Variants in DLG2 observed in about 807,000 individuals in gnomAD.
The protein encoded by DLG2 is disks large homolog 2.
Under a neutral mutation model 132.5 loss-of-function variants are expected in DLG2, and 45 were observed. The observed-to-expected ratio is 0.34, with a 90% CI of 0.27 to 0.44. The LOEUF (loss-of-function observed/expected upper bound fraction) is 0.44, where lower values mean the gene tolerates loss of function less well. DLG2 is among the 20% of genes least tolerant of loss of function. The probability of loss-of-function intolerance (pLI) is 1.00; values close to 1 mark genes in which losing one functional copy is unlikely to be tolerated. For synonymous variants in DLG2, 424 were observed against 419.6 expected (o/e 1.01, Z -0.13); for missense variants, 1,045 against 1,196.9 (o/e 0.87, Z 1.87).
intron 6 of DLG2, among the ~76,000 whole-genome samples, chr11:85,033,386 CAA>C (rs750024023): frequency 0.17 from 13,353 of 80,522 alleles, 475 homozygotes; most frequent in South Asian, 0.26. Context: ...TATATCCTAG[CAA>C]AAAAAAAAAA....
intron 3 of DLG2, among the ~76,000 whole-genome samples, chr11:85,489,952 C>T (rs2153104480): frequency 6.6e-6 from 1 of 151,976 alleles, no homozygotes; most frequent in Admixed American, 6.6e-5. Flanking sequence ...CTTTGGGAGA[C>T]CAAGCTATAA....
At chr11:84,632,680 T>C (rs1409030186) in intron 6 of DLG2, among the ~76,000 whole-genome samples, 1 of 152,202 alleles carries the variant, frequency 6.6e-6, no homozygotes, top group Non-Finnish European at 1.5e-5. Flanking sequence ...ATTCTTCTAA[T>C]ACGCTTAAGC....
chr11:83,774,878 G>C (rs893986488), intron 18 of DLG2, among the ~76,000 whole-genome samples: 7 of 152,124 alleles, frequency 4.6e-5, no homozygotes, highest in African/African-American at 1.7e-4. Context: ...CTGGCACAGA[G>C]AGGTTGTCAC....
intron 19 of DLG2, among the ~76,000 whole-genome samples, chr11:83,572,348 G>A (rs1010620568): frequency 1.3e-5 from 2 of 152,100 alleles, no homozygotes; most frequent in African/African-American, 4.8e-5. Context: ...TTAGGAGTAT[G>A]AGTCAGTGAT....
intron 7 of DLG2, among the ~76,000 whole-genome samples, chr11:84,321,420 T>C (rs1567285299): frequency 1.3e-5 from 2 of 152,196 alleles, no homozygotes. Flanking sequence ...TGGGACTCTT[T>C]ATCCTCATTG....
At chr11:83,815,434 G>A (rs533036322) in intron 17 of DLG2, among the ~76,000 whole-genome samples, 3 of 152,224 alleles carry the variant, frequency 2.0e-5, no homozygotes, top group East Asian at 3.9e-4. Context: ...ATTCATTCTG[G>A]ATAGTTACCA....
chr11:85,481,307 T>C (rs1004544977), intron 3 of DLG2, among the ~76,000 whole-genome samples: 1 of 152,166 alleles, frequency 6.6e-6, no homozygotes. Context: ...AGAATAGGGC[T>C]CTCTAATGCT....
intron 3 of DLG2, among the ~76,000 whole-genome samples, chr11:85,439,286 G>T (rs143769934): frequency 1.4e-4 from 22 of 152,040 alleles, no homozygotes; most frequent in African/African-American, 5.1e-4. Flanking sequence ...GCAAGTTCAG[G>T]ATCTGCTACA....
intron 18 of DLG2, among the ~76,000 whole-genome samples, chr11:83,663,687 G>C (rs2074892299): frequency 6.6e-6 from 1 of 152,302 alleles, no homozygotes; most frequent in South Asian, 2.1e-4. Context: ...TGGGCCATAA[G>C]CCATCTGTGG....
At chr11:84,329,057 AAAC>A (rs2098446681) in intron 7 of DLG2, among the ~76,000 whole-genome samples, 1 of 152,208 alleles carries the variant, frequency 6.6e-6, no homozygotes. Flanking sequence ...AGATGTACAG[AAAC>A]AACATGCAGG....
chr11:85,467,842 A>T (rs2092845491), intron 3 of DLG2, among the ~76,000 whole-genome samples: 2 of 152,122 alleles, frequency 1.3e-5, no homozygotes, highest in Admixed American at 6.6e-5. Flanking sequence ...GTTAGGGAGG[A>T]TTCCCTCTTT....
chr11:84,462,537 T>C (rs1255004080), intron 7 of DLG2, among the ~76,000 whole-genome samples: 2 of 151,134 alleles, frequency 1.3e-5, no homozygotes, highest in African/African-American at 4.8e-5. Context: ...AATGAACCTA[T>C]GTTAAGAAAC....
At chr11:84,701,003 G>A (rs142283116) in intron 6 of DLG2, among the ~76,000 whole-genome samples, 2 of 151,462 alleles carry the variant, frequency 1.3e-5, no homozygotes, top group Admixed American at 6.6e-5. Context: ...CTGGCTTTCA[G>A]GATGTAAAAC....
rs189726256 is a variant in DLG2 at position 84,877,258 on chromosome 11, T to C, written c.357+234403A>G. On this transcript the variant is annotated intron_variant, in intron 6 of 27. Transcript: ENST00000376104. ...ATATTCTTGTTAATTTTCTGTCTCA[T>C]TGATCTGTCTAATATTGACAGTGGG... Among the ~76,000 whole-genome samples, 571 of 152,182 alleles carry C rather than the reference T, an allele frequency of 3.8e-3. 2 individuals are homozygous for C. Among genetic ancestry groups the C allele is most frequent in the African/African-American group, 0.013 (558 of 41,520 alleles).
chr11:84,707,833 T>C (rs2059940637), intron 6 of DLG2, among the ~76,000 whole-genome samples: 1 of 151,802 alleles, frequency 6.6e-6, no homozygotes, highest in African/African-American at 2.4e-5. Context: ...ATAAAAACTG[T>C]GGGGCAAGCA....
chr11:83,562,427 T>C (rs1321766695), intron 19 of DLG2, among the ~76,000 whole-genome samples: 1 of 152,110 alleles, frequency 6.6e-6, no homozygotes. Context: ...GGGTACCATT[T>C]ACCCCTGACC....
chr11:85,585,001 T>C (rs2078872492), intron 3 of DLG2, among the ~76,000 whole-genome samples: 1 of 152,228 alleles, frequency 6.6e-6, no homozygotes, highest in Non-Finnish European at 1.5e-5. Flanking sequence ...AGCTTTTTAG[T>C]TTAATTAAGT....
intron 6 of DLG2, among the ~76,000 whole-genome samples, chr11:85,067,857 A>C (rs2065168006): frequency 6.6e-6 from 1 of 152,118 alleles, no homozygotes; most frequent in Non-Finnish European, 1.5e-5. Flanking sequence ...AAAAAAGAGA[A>C]TTTTGGACCA....
chr11:84,501,162 G>T (rs2099203589), intron 7 of DLG2, among the ~76,000 whole-genome samples: 1 of 152,194 alleles, frequency 6.6e-6, no homozygotes. Flanking sequence ...CCAATATGGG[G>T]AATATAAGCT....
Sources: gnomAD v4.1 joint callset for allele counts (sites outside exome capture counted in the v4.1 genomes callset) on GRCh38, gnomAD v4.1.1 for gene constraint, MANE v1.5 for transcripts, NCBI Gene and HGNC (gene_info 2026-07-23, HGNC 2026-07-21) for gene names.